FAM149A: variants seen among roughly 807,000 people sequenced by gnomAD.
The protein encoded by FAM149A is family with sequence similarity 149 member A.
In FAM149A, 71 loss-of-function variants were observed where a neutral mutation model predicts 78.2. That is an observed-to-expected ratio of 0.91 (90% CI 0.75 to 1.11). The LOEUF (loss-of-function observed/expected upper bound fraction) is 1.11. FAM149A is among the 50% of genes least tolerant of loss of function. FAM149A has a pLI of 0.00. For missense variants in FAM149A, 1,036 were observed against 971.0 expected (o/e 1.07, Z -0.89); for synonymous variants, 446 against 410.5 (o/e 1.09, Z -1.04).
intron 1 of FAM149A, among the ~76,000 whole-genome samples, chr4:186,121,693 C>G (rs557134127): frequency 6.6e-6 from 1 of 152,168 alleles, no homozygotes; most frequent in African/African-American, 2.4e-5. Context: ...CACGTTGACC[C>G]CACCTAACGT....
intron 1 of FAM149A, among the ~76,000 whole-genome samples, chr4:186,121,244 G>T (rs996310521): frequency 3.2e-4 from 49 of 152,122 alleles, no homozygotes; most frequent in African/African-American, 1.1e-3. Flanking sequence ...CATTGCCAGG[G>T]AAAGGCTGTT....
chr4:186,165,851 T>C (rs1029647414), intron 11 of FAM149A, among the ~76,000 whole-genome samples: 3 of 152,206 alleles, frequency 2.0e-5, no homozygotes, highest in Admixed American at 6.5e-5. Flanking sequence ...CCCTGAGCCT[T>C]AGTGTTCTCT....
chr4:186,109,646 A>T, intron 1 of FAM149A: 1 of 984,592 alleles, frequency 1.0e-6, no homozygotes, highest in South Asian at 4.7e-5. Flanking sequence ...AATAATAAGT[A>T]ATATATGGAG....
At chr4:186,127,652 G>A (rs1232611414) in intron 1 of FAM149A, 1 of 985,304 alleles carries the variant, frequency 1.0e-6, no homozygotes. Flanking sequence ...ATAAGGGAAT[G>A]TGTGTGAAAG....
In FAM149A at chr4:186,153,638, C is replaced by T. The variant is rs1275351929; in HGVS notation, c.933-7C>T. On this transcript the variant is annotated splice_region_variant and splice_polypyrimidine_tract_variant and intron_variant, in intron 4 of 13. Coordinates refer to ENST00000389354, the MANE Select transcript of FAM149A (RefSeq NM_001367768.3). ...AAAATGTCAGTAGCTTCTCTTTGAC[C>T]TCGCAGAGTATTAGGAAGACAGCTG... The T allele has an allele frequency of 6.2e-7, 1 of 1,608,946 alleles. No individual in the cohort carries two copies. The highest frequency in any genetic ancestry group is 8.5e-7 in the Non-Finnish European group (1 of 1,176,170).
intron 8 of FAM149A, chr4:186,158,839 C>T (rs888469777): frequency 4.0e-5 from 40 of 990,454 alleles, no homozygotes; most frequent in Middle Eastern, 5.1e-4. Context: ...AACCACTGAG[C>T]GGTCTCAAGC....
At position 186,105,276 on chromosome 4, in the gene FAM149A, G is replaced by C. The variant is rs1171437005; in HGVS notation, c.200G>C (p.Arg67Pro). The change falls in exon 1 of 14, where the codon CGG (arginine) becomes CCG (proline). Residue 67 changes from arginine to proline, a missense_variant. By Grantham distance (103) the Arg-to-Pro change is moderately radical. Transcript: ENST00000389354. The stretch of plus-strand genomic sequence containing the variant: ...GCTCCGGACTCCCCCTCCGCCTCGC[G>C]GCGGTCGCCCGCCCCGCTGCTCTCC... The C allele has an allele frequency of 8.4e-7, 1 of 1,193,832 alleles. No individual in the cohort carries two copies. Among genetic ancestry groups the C allele is most frequent in the Non-Finnish European group, 1.1e-6 (1 of 950,122 alleles). 74.0% of individuals were successfully genotyped at this position (1,193,832 alleles called of 1,614,324 possible). A position where few individuals can be genotyped will look rare whatever the true frequency, so the allele number is the denominator to read the frequency against.
chr4:186,143,533 T>C (rs1732716305), intron 1 of FAM149A, among the ~76,000 whole-genome samples: 1 of 152,078 alleles, frequency 6.6e-6, no homozygotes, highest in Admixed American at 6.6e-5. Context: ...AGTTCAACAA[T>C]GGATTACTGT....
Position 186,163,420 on chromosome 4 carries a change from C to T in FAM149A, c.1680-4C>T, listed in dbSNP as rs749025427. 4 of 1,609,898 alleles carry T rather than the reference C, an allele frequency of 2.5e-6. No individual in the cohort carries two copies. The highest frequency in any genetic ancestry group is 2.7e-5 in the African/African-American group (2 of 74,846). On this transcript the variant is annotated splice_polypyrimidine_tract_variant and splice_region_variant and intron_variant, in intron 9 of 13. Coordinates refer to ENST00000389354, the MANE Select transcript of FAM149A (RefSeq NM_001367768.3). ...CTGAGTAGCTCACAGGATTTCCTTCCCAGGAATGAGAAGGAGGACAAAGCA... is the reference window on the plus strand; with the variant it reads ...CTGAGTAGCTCACAGGATTTCCTTCTCAGGAATGAGAAGGAGGACAAAGCA...
chr4:186,154,706 C>T (rs1366927253), intron 6 of FAM149A, 68 bp downstream of exon 6: 10 of 1,487,324 alleles, frequency 6.7e-6, no homozygotes, highest in Middle Eastern at 2.3e-4. Context: ...TTATTGTTAT[C>T]GTATGCTCAT....
chr4:186,109,689 C>A, intron 1 of FAM149A: 7 of 982,738 alleles, frequency 7.1e-6, no homozygotes, highest in African/African-American at 1.7e-5. Context: ...ATGATTACTA[C>A]CTGCTTCTTG....
chr4:186,106,090 A>C (rs1436428976), intron 1 of FAM149A, among the ~76,000 whole-genome samples: 1 of 152,184 alleles, frequency 6.6e-6, no homozygotes, highest in Non-Finnish European at 1.5e-5. Flanking sequence ...ACCAGTCCCT[A>C]GTCTTATCCT....
chr4:186,158,726 C>T, intron 8 of FAM149A: 1 of 1,099,514 alleles, frequency 9.1e-7, no homozygotes, highest in South Asian at 2.6e-5. Flanking sequence ...GCAGGTACCC[C>T]CTGTGCCTAT....
Position 186,105,195 on chromosome 4 carries a change from G to A in FAM149A, c.119G>A (p.Gly40Glu), listed in dbSNP as rs762826514. The change falls in exon 1 of 14, where the codon GGG becomes GAG. Residue 40 changes from glycine to glutamate, a missense_variant. This residue lies in a region of FAM149A where 316 missense variants were observed against 241.9 expected (regional missense o/e 1.31). Coordinates refer to ENST00000389354, the MANE Select transcript of FAM149A (RefSeq NM_001367768.3). ...GGAGGTGCTGCCGCTGCAGGGTCGG[G>A]GGGCTCCAGGGCGGGCACCCCGTTG... 2.1e-5 allele frequency: 27 copies of A among 1,271,866 alleles called. No homozygotes were observed. The South Asian group carries it at 3.2e-4, about 15-fold the overall frequency. The allele number at this position is 1,271,866 out of a possible 1,614,324, so 78.8% of individuals were successfully genotyped here. A position where few individuals can be genotyped will look rare whatever the true frequency, so the allele number is the denominator to read the frequency against.
chr4:186,119,088 G>A (rs553681058), intron 1 of FAM149A, among the ~76,000 whole-genome samples: 3 of 152,180 alleles, frequency 2.0e-5, no homozygotes, highest in South Asian at 2.1e-4. Flanking sequence ...TTCCCTCATG[G>A]GTGCAGTCTG....
Position 186,174,438 on chromosome 4 carries a change from C to T in FAM149A, c.*2451C>T, listed in dbSNP as rs1735663027. Among the ~76,000 whole-genome samples the T allele has an allele frequency of 9.0e-6, 1 of 111,328 alleles. No homozygotes were observed. Among genetic ancestry groups the T allele is most frequent in the African/African-American group, 2.8e-5 (1 of 35,434 alleles). 73.0% of individuals were successfully genotyped at this position (111,328 alleles called of 152,430 possible). A position where few individuals can be genotyped will look rare whatever the true frequency, so the allele number is the denominator to read the frequency against. On this transcript the variant is annotated 3_prime_UTR_variant, in exon 14 of 14. Transcript: ENST00000389354. ...CATTCTTTTTTATGAGCTCAAGCTTCGTAGTAGGGAAAACACCGGATATTC... is the reference window on the plus strand; with the variant it reads ...CATTCTTTTTTATGAGCTCAAGCTTTGTAGTAGGGAAAACACCGGATATTC...
At chr4:186,131,203 C>G (rs1003395516) in intron 1 of FAM149A, among the ~76,000 whole-genome samples, 1 of 152,054 alleles carries the variant, frequency 6.6e-6, no homozygotes, top group Non-Finnish European at 1.5e-5. Context: ...CAAAAATTAG[C>G]CAGGTGTGGG....
chr4:186,150,604 A>G (rs1317073898), intron 3 of FAM149A, among the ~76,000 whole-genome samples: 2 of 133,414 alleles, frequency 1.5e-5, no homozygotes. Flanking sequence ...TATTTTTAAT[A>G]GAGACGGGGT....
At chr4:186,157,806 A>G (rs1734177776) in intron 8 of FAM149A, 87 bp downstream of exon 8, 1 of 1,566,208 alleles carries the variant, frequency 6.4e-7, no homozygotes, top group South Asian at 1.2e-5. Flanking sequence ...TGCAGTACTG[A>G]GATATTTGGG....
Sources: gnomAD v4.1 joint callset for allele counts (sites outside exome capture counted in the v4.1 genomes callset) on GRCh38, gnomAD v4.1.1 for gene constraint, gnomAD v4.1.1 regional missense constraint, MANE v1.5 for transcripts, NCBI Gene and HGNC (gene_info 2026-07-23, HGNC 2026-07-21) for gene names.